Variants in NCOR2 observed in about 807,000 individuals in gnomAD.
NCOR2 encodes CTG repeat protein 26.
Under a neutral mutation model 262.9 loss-of-function variants are expected in NCOR2, and 81 were observed. The observed-to-expected ratio is 0.31, with a 90% CI of 0.26 to 0.37. The LOEUF (loss-of-function observed/expected upper bound fraction) is 0.37. Ranked by LOEUF, NCOR2 falls within the 10% of genes least tolerant of loss-of-function variation. NCOR2 has a pLI of 1.00. For missense variants in NCOR2, 3,385 were observed against 3,621.4 expected (o/e 0.93, Z 1.68); for synonymous variants, 1,659 against 1,559.3 (o/e 1.06, Z -1.51).
rs1174429942 is a variant in NCOR2, at chr12:124,552,311, C to A, written c.-165+14997G>T. ...TCCAGCTTGGGCAACAGAGCAAGAC[C>A]CTGTCTCAAAAAAAAAAACCACTAA... On this transcript the variant is annotated intron_variant, in intron 1 of 32. Coordinates refer to the NCOR2 transcript ENST00000458234. Among the ~76,000 whole-genome samples the A allele has an allele frequency of 2.0e-5, 3 of 151,612 alleles. No individual in the cohort carries two copies. In the East Asian group the frequency reaches 5.8e-4, roughly 29 times the overall value.
At chr12:124,543,050 G>A (rs370681286) in intron 1 of NCOR2, among the ~76,000 whole-genome samples, 35 of 151,990 alleles carry the variant, frequency 2.3e-4, no homozygotes, top group South Asian at 1.3e-3. Context: ...GTGGGTGGGC[G>A]AAGATGGGGG....
chr12:124,422,348 A>AAGGG (rs886069325), intron 12 of NCOR2, among the ~76,000 whole-genome samples, 153 bp downstream of exon 14: 3 of 152,066 alleles, frequency 2.0e-5, no homozygotes, highest in Non-Finnish European at 2.9e-5. Context: ...AGATGGAAGG[A>AAGGG]AGGGAGGGAG....
intron 1 of NCOR2, among the ~76,000 whole-genome samples, chr12:124,559,928 G>A (rs952111412): frequency 6.6e-6 from 1 of 152,296 alleles, no homozygotes; most frequent in African/African-American, 2.4e-5. Context: ...CCAATTAAGA[G>A]GCCAAAAAAT....
intron 9 of NCOR2, 21 bp downstream of exon 11, chr12:124,430,594 C>T (rs1390560357): frequency 6.3e-7 from 1 of 1,593,338 alleles, no homozygotes; most frequent in East Asian, 2.2e-5. Context: ...GTCGGGGGCC[C>T]TGGGCTCAGG....
At chr12:124,511,883 A>T (rs888577587) in intron 1 of NCOR2, among the ~76,000 whole-genome samples, 3 of 152,192 alleles carry the variant, frequency 2.0e-5, no homozygotes, top group Non-Finnish European at 4.4e-5. Flanking sequence ...CATAAAAATG[A>T]CCACAAACCA....
intron 17 of NCOR2, among the ~76,000 whole-genome samples, chr12:124,385,123 C>T (rs1281945670): frequency 1.3e-5 from 2 of 152,176 alleles, no homozygotes; most frequent in Non-Finnish European, 2.9e-5. Context: ...CCAGAAACAG[C>T]TGTGGAAGAA....
At chr12:124,439,427 A>G (rs1423697750) in intron 7 of NCOR2, among the ~76,000 whole-genome samples, 2 of 13,316 alleles carry the variant, frequency 1.5e-4, no homozygotes, top group Non-Finnish European at 4.6e-4. Context: ...AGAGAGAGAG[A>G]GAGAGACAGA....
At chr12:124,334,402 G>T in intron 41 of NCOR2, 22 bp downstream of exon 43, 3 of 1,516,094 alleles carry the variant, frequency 2.0e-6, no homozygotes, top group Non-Finnish European at 2.7e-6. Context: ...ACCAGCAAGA[G>T]GCACCCCCAT....
At chr12:124,351,153 A>G (rs1433282457) in intron 27 of NCOR2, among the ~76,000 whole-genome samples, 1 of 152,164 alleles carries the variant, frequency 6.6e-6, no homozygotes, top group Admixed American at 6.5e-5. Flanking sequence ...CTGTGTCCCC[A>G]CCACTGCGTG....
chr12:124,327,129 A>G (rs1290251163), intron 45 of NCOR2, among the ~76,000 whole-genome samples: 2 of 152,006 alleles, frequency 1.3e-5, no homozygotes, highest in Non-Finnish European at 2.9e-5. Context: ...AGGCGGGAGG[A>G]CTGGGGGGCG....
At chr12:124,380,786 G>A (rs556964979) in intron 17 of NCOR2, among the ~76,000 whole-genome samples, 1 of 152,192 alleles carries the variant, frequency 6.6e-6, no homozygotes, top group South Asian at 2.1e-4. Flanking sequence ...TCTCTGCGGG[G>A]GGCGGCGTGG....
exon 33 of NCOR2, chr12:124,343,018 G>A: frequency 6.2e-7 from 1 of 1,611,122 alleles, no homozygotes; most frequent in Non-Finnish European, 8.5e-7. Context: ...CGTCCAGAGG[G>A]ATGCCGCGGG....
chr12:124,495,482 G>T (rs2048329830), upstream of NCOR2: 17 of 713,860 alleles, frequency 2.4e-5, no homozygotes, highest in East Asian at 4.8e-4. The surrounding 1 kb of genome is among the most constrained non-coding windows in gnomAD (Gnocchi z 4.4). Context: ...GCACCCAGGG[G>T]CCTGCCTGGA....
At chr12:124,461,345 G>A (rs751760048) in intron 5 of NCOR2, among the ~76,000 whole-genome samples, 10 of 152,190 alleles carry the variant, frequency 6.6e-5, no homozygotes, top group African/African-American at 9.7e-5. Context: ...GCCAATGAGC[G>A]GCCCCGCTCA....
chr12:124,552,137 T>C (rs563379791), intron 1 of NCOR2, among the ~76,000 whole-genome samples: 1 of 152,024 alleles, frequency 6.6e-6, no homozygotes, highest in South Asian at 2.1e-4. Context: ...CCGGGCAACA[T>C]AATGACACCT....
At chr12:124,351,555 G>A (rs754468486) in intron 27 of NCOR2, among the ~76,000 whole-genome samples, 1 of 152,154 alleles carries the variant, frequency 6.6e-6, no homozygotes, top group Non-Finnish European at 1.5e-5. Flanking sequence ...GCCATATAGG[G>A]AATGAGCTTC....
intron 1 of NCOR2, among the ~76,000 whole-genome samples, chr12:124,506,102 A>G (rs1347218150): frequency 6.6e-6 from 1 of 152,076 alleles, no homozygotes; most frequent in Non-Finnish European, 1.5e-5. Context: ...CCCCAGGCAA[A>G]GCAGGCCCCA....
At chr12:124,567,556 G>T (rs1014405795), upstream of NCOR2, 33 of 146,424 alleles carry the variant, frequency 2.3e-4, no homozygotes, top group South Asian at 7.9e-4. Context: ...GCGGGGCTCC[G>T]GTGCGGCCCG....
chr12:124,358,257 ATGT>A (rs1191405259), intron 22 of NCOR2, among the ~76,000 whole-genome samples: 1 of 139,976 alleles, frequency 7.1e-6, no homozygotes, highest in African/African-American at 2.9e-5. Context: ...CCTGTACACA[ATGT>A]TGAAGGACGT....
Sources: gnomAD v4.1 joint callset for allele counts (sites outside exome capture counted in the v4.1 genomes callset) on GRCh38, gnomAD v4.1.1 for gene constraint, Gnocchi (gnomAD v3.1) non-coding constraint, MANE v1.5 for transcripts, NCBI Gene and HGNC (gene_info 2026-07-23, HGNC 2026-07-21) for gene names.